Variants in KLF11 observed in about 807,000 individuals in gnomAD.
KLF11 encodes the protein KLF transcription factor 11.
Under a neutral mutation model 29.9 loss-of-function variants are expected in KLF11, and 26 were observed. The observed-to-expected ratio is 0.87, with a 90% CI of 0.64 to 1.21. The LOEUF is 1.21. Ranked by LOEUF, KLF11 falls within the 50% of genes most tolerant of loss-of-function variation. KLF11 has a pLI of 0.00. For synonymous variants in KLF11, 318 were observed against 257.4 expected (o/e 1.24, Z -2.25); for missense variants, 778 against 665.7 (o/e 1.17, Z -1.86).
At chr2:10,050,756 C>T (rs1390286655) in intron 3 of KLF11, among the ~76,000 whole-genome samples, 1 of 151,960 alleles carries the variant, frequency 6.6e-6, no homozygotes, top group East Asian at 1.9e-4. Context: ...TCCCCTTGTG[C>T]CATTTTGTAA....
rs1408123294 is a variant in KLF11 at position 10,053,567 on chromosome 2, C to G, written c.*1060C>G. On this transcript the variant is annotated 3_prime_UTR_variant, in exon 4 of 4. Coordinates refer to ENST00000305883, the MANE Select transcript of KLF11 (RefSeq NM_003597.5). Reference sequence around the variant, plus strand: ...GGCAGGCAGTGCCAAGATTCCGCTTCCTTTGTTTGCCAAATACTAGAAACA... The same window carrying G: ...GGCAGGCAGTGCCAAGATTCCGCTTGCTTTGTTTGCCAAATACTAGAAACA... 1 of 397,618 alleles carries G rather than the reference C, an allele frequency of 2.5e-6. No homozygotes were observed. Among genetic ancestry groups the G allele is most frequent in the South Asian group, 1.4e-4 (1 of 7,036 alleles). 24.6% of individuals were successfully genotyped at this position (397,618 alleles called of 1,614,324 possible).
At chr2:10,052,205 TA>T (rs1414473547) in intron 3 of KLF11, 21 bp from the exon 4 acceptor site, 1 of 1,612,622 alleles carries the variant, frequency 6.2e-7, no homozygotes, top group Admixed American at 1.7e-5. Context: ...TTCTCTTTAA[TA>T]TGTATTTTCT....
rs377399356 is a variant in KLF11, at chr2:10,047,838, C to T, written c.501C>T (p.Pro167=). ...GTTTGGAGCCAGTGCCCAGCTCTCC[C>T]TGCAGGGCCAAGGGGACTAGCGTGA... ...LLGLEPVPSS[P]CRAKGTSVIR... The change falls in exon 3 of 4, where the codon CCC becomes CCT. Residue 167 remains proline (P), a synonymous_variant. Transcript: ENST00000305883. The T allele has an allele frequency of 5.1e-5, 82 of 1,613,702 alleles. No homozygotes were observed. The highest frequency in any genetic ancestry group is 6.7e-5 in the Non-Finnish European group (79 of 1,180,030).
chr2:10,044,185 C>CGGGCGGGTTAA (rs1661102771), intron 1 of KLF11: 1 of 773,418 alleles, frequency 1.3e-6, no homozygotes, highest in Non-Finnish European at 1.5e-6. Context: ...ACGCGGCCGT[C>CGGGCGGGTTAA]GGGCGGGTTA....
Position 10,053,736 on chromosome 2 carries a change from A to G in KLF11, c.*1229A>G, listed in dbSNP as rs986872643. 19 of 244,446 alleles carry G rather than the reference A, an allele frequency of 7.8e-5. No homozygotes were observed. Among genetic ancestry groups the G allele is most frequent in the African/African-American group, 2.9e-4 (13 of 45,060 alleles). 15.1% of individuals were successfully genotyped at this position (244,446 alleles called of 1,614,324 possible). A position where few individuals can be genotyped will look rare whatever the true frequency, so the allele number is the denominator to read the frequency against. The stretch of plus-strand genomic sequence containing the variant: ...AGTCTACCTAGAAAATAGATGGACA[A>G]TATTTTTCAACTGTATGAGCACGTA... On this transcript the variant is annotated 3_prime_UTR_variant, in exon 4 of 4. Coordinates refer to ENST00000305883, the MANE Select transcript of KLF11 (RefSeq NM_003597.5).
At chr2:10,050,490 T>A (rs377767244) in intron 3 of KLF11, among the ~76,000 whole-genome samples, 10 of 150,782 alleles carry the variant, frequency 6.6e-5, no homozygotes, top group Admixed American at 4.0e-4. Context: ...GGCAGGCAGA[T>A]CACGAGGTCA....
intron 1 of KLF11, chr2:10,043,975 T>A: frequency 1.1e-6 from 1 of 879,178 alleles, no homozygotes; most frequent in African/African-American, 1.8e-5. Context: ...GGGGGCGTGT[T>A]CCCCGCGCAG....
chr2:10,053,083 C>T lies in KLF11; in HGVS notation c.*576C>T, dbSNP rs1313361109. 7.6e-6 allele frequency: 3 copies of T among 396,254 alleles called. No homozygotes were observed. The highest frequency in any genetic ancestry group is 3.6e-5 in the East Asian group (1 of 27,972). 24.5% of individuals were successfully genotyped at this position (396,254 alleles called of 1,614,324 possible). ...GAATCGGACCTGGTTGAGTAAGGAC[C>T]TCTTAAAAGGGAAAAATAAATTTTG... On this transcript the variant is annotated 3_prime_UTR_variant, in exon 4 of 4. Transcript: ENST00000305883.
chr2:10,050,892 CTTTTTTTTTTTTTT>C (rs386389509), intron 3 of KLF11, among the ~76,000 whole-genome samples: 2 of 54,824 alleles, frequency 3.6e-5, no homozygotes, highest in African/African-American at 7.6e-5. Flanking sequence ...TAGATGCTAC[CTTTTTTTTTTTTTT>C]TTTTTTTTTT....
rs1661294296 is a variant in KLF11, at chr2:10,048,317, C to G, written c.980C>G (p.Pro327Arg). 8 of 1,600,850 alleles carry G rather than the reference C, an allele frequency of 5.0e-6. No individual in the cohort carries two copies. The highest frequency in any genetic ancestry group is 6.8e-6 in the Non-Finnish European group (8 of 1,171,860). ...ILAQAAPAPQ[P>R]VFVGPAVPQG... ...GCTCAGGCTGCTCCAGCGCCTCAAC[C>G]TGTGTTCGTGGGACCTGCTGTGCCT... Residue 327 changes from proline (P) to arginine (R), a missense_variant, in exon 3 of 4, where the codon CCT (proline) becomes CGT (arginine). Transcript: ENST00000305883.
intron 2 of KLF11, among the ~76,000 whole-genome samples, chr2:10,046,759 G>T (rs1486674118): frequency 6.6e-6 from 1 of 152,154 alleles, no homozygotes; most frequent in Admixed American, 6.5e-5. Context: ...GGAGTCTGAG[G>T]TAGGAGAATC....
chr2:10,044,397 G>A, intron 1 of KLF11: 16 of 985,594 alleles, frequency 1.6e-5, no homozygotes, highest in Non-Finnish European at 1.9e-5. Flanking sequence ...GGCAGAGCGC[G>A]GGCCTCGTGG....
intron 3 of KLF11, 106 bp downstream of exon 3, chr2:10,048,701 A>G: frequency 1.2e-6 from 1 of 844,146 alleles, no homozygotes; most frequent in Non-Finnish European, 2.0e-6. Context: ...CCCCTGGCGA[A>G]GGTGGAAGTG....
intron 1 of KLF11, chr2:10,044,459 G>A (rs1474237167): frequency 1.0e-6 from 1 of 985,000 alleles, no homozygotes; most frequent in African/African-American, 1.7e-5. Flanking sequence ...GTGGTGAGTC[G>A]GCCTCGGCGC....
chr2:10,053,179 T>C lies in KLF11; in HGVS notation c.*672T>C, dbSNP rs1661459717. 2.5e-6 allele frequency: 1 copy of C among 399,328 alleles called. No individual in the cohort carries two copies. The highest frequency in any genetic ancestry group is 4.4e-6 in the Non-Finnish European group (1 of 226,754). 24.7% of individuals were successfully genotyped at this position (399,328 alleles called of 1,614,324 possible). Reference sequence around the variant, plus strand: ...TTCCTGTCACCAAAGAACTAAAATTTTGGTTGACTGGAACTAGTGAGCTGT... The same window carrying C: ...TTCCTGTCACCAAAGAACTAAAATTCTGGTTGACTGGAACTAGTGAGCTGT... On this transcript the variant is annotated 3_prime_UTR_variant, in exon 4 of 4. Coordinates refer to ENST00000305883, the MANE Select transcript of KLF11 (RefSeq NM_003597.5).
At chr2:10,046,581 G>A (rs1220122968) in intron 2 of KLF11, among the ~76,000 whole-genome samples, 162 bp downstream of exon 2, 1 of 152,200 alleles carries the variant, frequency 6.6e-6, no homozygotes, top group Non-Finnish European at 1.5e-5. Context: ...CTTTGGCCAG[G>A]CATGGTGGCT....
At chr2:10,044,864 G>A (rs1171095762) in intron 1 of KLF11, among the ~76,000 whole-genome samples, 3 of 152,130 alleles carry the variant, frequency 2.0e-5, no homozygotes, top group Non-Finnish European at 4.4e-5. Flanking sequence ...AGACGGTGAG[G>A]GTCTGGTGCG....
Position 10,048,551 on chromosome 2 carries a change from A to G in KLF11, c.1214A>G (p.Tyr405Cys). The G allele has an allele frequency of 2.5e-6, 4 of 1,609,098 alleles. No homozygotes were observed. The highest frequency in any genetic ancestry group is 1.7e-6 in the Non-Finnish European group (2 of 1,179,996). ...AGCTTCCCAGGTTGCCGGAAGACCT[A>G]CTTCAAAAGTTCCCACCTTAAGGCC... is the stretch of plus-strand genomic sequence containing the variant. ...VCSFPGCRKT[Y>C]FKSSHLKAHL... is the part of the protein sequence containing the mutation. Residue 405 changes from tyrosine to cysteine, a missense_variant, in exon 3 of 4, where the codon TAC becomes TGC. Physicochemically the swap from Tyr to Cys is radical, Grantham distance 194. Coordinates refer to ENST00000305883, the MANE Select transcript of KLF11 (RefSeq NM_003597.5).
chr2:10,044,555 C>A, intron 1 of KLF11: 2 of 457,442 alleles, frequency 4.4e-6, no homozygotes, highest in Non-Finnish European at 5.8e-6. Flanking sequence ...CTTGTTTGAT[C>A]TCGGGGAACC....
Sources: gnomAD v4.1 joint callset for allele counts (sites outside exome capture counted in the v4.1 genomes callset) on GRCh38, gnomAD v4.1.1 for gene constraint, MANE v1.5 for transcripts, NCBI Gene and HGNC (gene_info 2026-07-23, HGNC 2026-07-21) for gene names.